The following OAS2 variants were observed in gnomAD, a reference collection of about 807,000 sequenced individuals.
OAS2 encodes the protein 2'-5'-oligoadenylate synthase 2.
OAS2 carries 67 observed loss-of-function variants against 71.3 expected under a neutral mutation model. The ratio of observed to expected loss-of-function variants is 0.94; its 90% CI spans 0.77 to 1.15. The LOEUF (loss-of-function observed/expected upper bound fraction) is 1.15, where lower values mean the gene tolerates loss of function less well. OAS2 is among the 50% of genes most tolerant of loss of function. The probability of loss-of-function intolerance (pLI) is 0.00; values close to 1 mark genes in which losing one functional copy is unlikely to be tolerated. For missense variants in OAS2, 789 were observed against 822.5 expected (o/e 0.96, Z 0.50); for synonymous variants, 327 against 321.8 (o/e 1.02, Z -0.17).
chr12:112,984,115 G>A (rs559676267), intron 1 of OAS2, among the ~76,000 whole-genome samples: 1 of 152,324 alleles, frequency 6.6e-6, no homozygotes, highest in African/African-American at 2.4e-5. Flanking sequence ...TACCAAAAGT[G>A]AGATGAAGTT....
chr12:113,006,542 G>A lies in OAS2; in HGVS notation c.1598G>A (p.Arg533His), dbSNP rs911367851. Reference sequence around the variant, plus strand: ...ACAGTCCTGCAGCGAAACTTCATTCGCTCCCGGCCCACCAAACTAAAGGAT... The same window carrying A: ...ACAGTCCTGCAGCGAAACTTCATTCACTCCCGGCCCACCAAACTAAAGGAT... The part of the protein sequence containing the change: ...CFTVLQRNFI[R>H]SRPTKLKDLI... The change falls in exon 8 of 10, where the codon CGC (arginine) becomes CAC (histidine). Residue 533 changes from arginine (R) to histidine (H), a missense_variant. Coordinates refer to ENST00000392583, the MANE Select transcript of OAS2 (RefSeq NM_002535.3). The A allele has an allele frequency of 2.6e-5, 42 of 1,612,434 alleles. No homozygotes were observed. In the South Asian group the frequency reaches 3.0e-4, roughly 11 times the overall value.
At position 113,005,200 on chromosome 12, in the gene OAS2, G is replaced by T. The variant is rs1243622175; in HGVS notation, c.1446G>T (p.Val482=). ...KVLNESVSFD[V]LPAFNALGQL... ...TCAACGAAAGTGTCAGCTTTGATGTGCTTCCTGCCTTTAATGCACTGGGTA... is the reference window on the plus strand; with the variant it reads ...TCAACGAAAGTGTCAGCTTTGATGTTCTTCCTGCCTTTAATGCACTGGGTA... The change falls in exon 7 of 10, where the codon GTG becomes GTT. Residue 482 remains valine (V), a synonymous_variant. Transcript: ENST00000392583. The T allele has an allele frequency of 6.2e-7, 1 of 1,613,768 alleles. No homozygotes were observed. The highest frequency in any genetic ancestry group is 8.5e-7 in the Non-Finnish European group (1 of 1,179,814).
chr12:113,005,649 C>T (rs1347806981), intron 7 of OAS2, among the ~76,000 whole-genome samples: 1 of 151,650 alleles, frequency 6.6e-6, no homozygotes, highest in Non-Finnish European at 1.5e-5. Flanking sequence ...GGGAAGATTG[C>T]TTGATCCAGG....
chr12:113,009,430 A>G lies in OAS2; in HGVS notation c.*175A>G. ...AAGTGATCCTCAGGCAGGTAACCCC[A>G]GATTCATGCACTGTAGGGTGCTGCG... On this transcript the variant is annotated 3_prime_UTR_variant, in exon 10 of 10. Transcript: ENST00000392583. 6.9e-7 allele frequency: 1 copy of G among 1,442,064 alleles called. No homozygotes were observed. The highest frequency in any genetic ancestry group is 9.1e-7 in the Non-Finnish European group (1 of 1,101,344). 89.3% of individuals were successfully genotyped at this position (1,442,064 alleles called of 1,614,324 possible).
At chr12:112,984,574 G>C (rs2044114956) in intron 1 of OAS2, among the ~76,000 whole-genome samples, 1 of 152,192 alleles carries the variant, frequency 6.6e-6, no homozygotes, top group Non-Finnish European at 1.5e-5. Context: ...ATTCAGGGTT[G>C]TTATTGATAG....
At chr12:113,006,691 G>A (rs1349172957) in intron 8 of OAS2, 91 bp downstream of exon 8, 2 of 1,156,890 alleles carry the variant, frequency 1.7e-6, no homozygotes, top group Non-Finnish European at 2.4e-6. Flanking sequence ...CTCCCATGCT[G>A]AGGGCTGAGC....
intron 5 of OAS2, among the ~76,000 whole-genome samples, chr12:113,002,640 G>A (rs890831100): frequency 1.3e-5 from 2 of 152,170 alleles, no homozygotes; most frequent in African/African-American, 4.8e-5. Context: ...AAGGAGTTTG[G>A]AGTTAGGAAC....
At position 112,982,362 on chromosome 12, in the gene OAS2, T is replaced by A. The variant is rs944162080; in HGVS notation, c.177+3577T>A. Among the ~76,000 whole-genome samples, 3 of 152,218 alleles carry A rather than the reference T, an allele frequency of 2.0e-5. No individual in the cohort carries two copies. In the East Asian group the frequency reaches 5.8e-4, roughly 29 times the overall value. On this transcript the variant is annotated intron_variant, in intron 1 of 9. Transcript: ENST00000392583. Reference sequence around the variant, plus strand: ...TATGTTCCTTACATGCCTAATTTGTTGAGGGTTTTTAGCATAAAGGGATGT... The same window carrying A: ...TATGTTCCTTACATGCCTAATTTGTAGAGGGTTTTTAGCATAAAGGGATGT...
chr12:112,978,642 C>T lies in OAS2; in HGVS notation c.34C>T (p.Pro12Ser). Residue 12 changes from proline to serine, a missense_variant, in exon 1 of 10, where the codon CCT (proline) becomes TCT (serine). By Grantham distance (74) the Pro-to-Ser change is moderately conservative. Transcript: ENST00000392583. The surrounding 1 kb of genome is among the most constrained non-coding windows in gnomAD (Gnocchi z 4.2). ...TGGGGAGTCCCAGCTGTCCTCGGTG[C>T]CTGCTCAGAAGCTGGGTTGGTTTAT... is the stretch of plus-strand genomic sequence containing the variant. ...GNGESQLSSV[P>S]AQKLGWFIQE... The T allele has an allele frequency of 6.2e-7, 1 of 1,614,150 alleles. No homozygotes were observed. The highest frequency in any genetic ancestry group is 8.5e-7 in the Non-Finnish European group (1 of 1,180,012).
At chr12:112,982,349 A>T (rs370781826) in intron 1 of OAS2, among the ~76,000 whole-genome samples, 1 of 152,304 alleles carries the variant, frequency 6.6e-6, no homozygotes, top group South Asian at 2.1e-4. Flanking sequence ...TGTTCCTTAC[A>T]TGCCTAATTT....
chr12:113,008,492 A>G (rs934790035), intron 9 of OAS2, among the ~76,000 whole-genome samples: 1 of 152,224 alleles, frequency 6.6e-6, no homozygotes, highest in Non-Finnish European at 1.5e-5. Context: ...ATTATGTATC[A>G]TATTTTAGCT....
chr12:113,010,246 C>T lies in OAS2; in HGVS notation c.*991C>T. 6.8e-7 allele frequency: 1 copy of T among 1,473,888 alleles called. No individual in the cohort carries two copies. The highest frequency in any genetic ancestry group is 8.9e-7 in the Non-Finnish European group (1 of 1,120,482). The allele number at this position is 1,473,888 out of a possible 1,614,324, so 91.3% of individuals were successfully genotyped here. Reference sequence around the variant, plus strand: ...TTAAGATATGCATTATAAATAAATACCAAAAAATTGTCTCTGGCAATAGTT... The same window carrying T: ...TTAAGATATGCATTATAAATAAATATCAAAAAATTGTCTCTGGCAATAGTT... On this transcript the variant is annotated 3_prime_UTR_variant, in exon 10 of 10. Transcript: ENST00000392583.
In OAS2 at chr12:113,010,299, T is replaced by G; in HGVS notation, c.*1044T>G. 6.6e-7 allele frequency: 1 copy of G among 1,515,654 alleles called. No homozygotes were observed. Among genetic ancestry groups the G allele is most frequent in the African/African-American group, 1.4e-5 (1 of 71,178 alleles). The allele number at this position is 1,515,654 out of a possible 1,614,324, so 93.9% of individuals were successfully genotyped here. A position where few individuals can be genotyped will look rare whatever the true frequency, so the allele number is the denominator to read the frequency against. ...CTTCCCAGATACAGGTCCCCCCTTT[T>G]TTCCCCTAACTCTTTTAAGCAATGA... On this transcript the variant is annotated 3_prime_UTR_variant, in exon 10 of 10. Transcript: ENST00000392583.
intron 2 of OAS2, chr12:112,988,048 G>C: frequency 9.1e-6 from 9 of 985,280 alleles, no homozygotes; most frequent in Non-Finnish European, 8.4e-6. Flanking sequence ...TTAATACTTG[G>C]GTCTGAAAAT....
chr12:112,985,255 C>T (rs1039313437), intron 1 of OAS2, among the ~76,000 whole-genome samples: 2 of 152,058 alleles, frequency 1.3e-5, no homozygotes, highest in African/African-American at 2.4e-5. Flanking sequence ...ATGCCTTTGC[C>T]CATCTCTTCT....
At chr12:112,994,406 A>G (rs1427621429) in intron 2 of OAS2, among the ~76,000 whole-genome samples, 1 of 152,168 alleles carries the variant, frequency 6.6e-6, no homozygotes. Context: ...TAATCAATCA[A>G]TAAATGTGTT....
At position 113,009,606 on chromosome 12, in the gene OAS2, G is replaced by A; in HGVS notation, c.*351G>A. On this transcript the variant is annotated 3_prime_UTR_variant, in exon 10 of 10. Coordinates refer to ENST00000392583, the MANE Select transcript of OAS2 (RefSeq NM_002535.3). ...CCACCCTCTTTAGCTGTTAATTTGA[G>A]TACTTATGGCCCTGAAAGCGGCCAC... is the stretch of plus-strand genomic sequence containing the variant. 1 of 1,010,304 alleles carries A rather than the reference G, an allele frequency of 9.9e-7. No individual in the cohort carries two copies. Among genetic ancestry groups the A allele is most frequent in the Non-Finnish European group, 1.2e-6 (1 of 846,746 alleles). 62.6% of individuals were successfully genotyped at this position (1,010,304 alleles called of 1,614,324 possible). A position where few individuals can be genotyped will look rare whatever the true frequency, so the allele number is the denominator to read the frequency against.
chr12:112,992,147 C>T (rs1201160000), intron 2 of OAS2, among the ~76,000 whole-genome samples: 3 of 152,198 alleles, frequency 2.0e-5, no homozygotes, highest in African/African-American at 4.8e-5. Context: ...ATAATCCCAG[C>T]GCTTTGGGAG....
At chr12:112,985,914 G>A (rs1269734671) in intron 1 of OAS2, among the ~76,000 whole-genome samples, 1 of 152,240 alleles carries the variant, frequency 6.6e-6, no homozygotes, top group Non-Finnish European at 1.5e-5. Flanking sequence ...TGAGGTTACA[G>A]TGAGATATGA....
Sources: allele counts gnomAD v4.1 joint callset (sites outside exome capture counted in the v4.1 genomes callset), GRCh38; gene constraint gnomAD v4.1.1; non-coding constraint Gnocchi (gnomAD v3.1); transcripts MANE v1.5; gene names NCBI Gene and HGNC (gene_info 2026-07-23, HGNC 2026-07-21).